The following MACROD2 variants were observed in gnomAD, a reference collection of about 807,000 sequenced individuals.
The protein encoded by MACROD2 is ADP-ribose glycohydrolase MACROD2.
A neutral mutation model predicts 70.4 loss-of-function variants in MACROD2; 36 were observed. The observed-to-expected ratio is 0.51, with a 90% CI of 0.39 to 0.68. The LOEUF (loss-of-function observed/expected upper bound fraction) is 0.68, where lower values mean the gene tolerates loss of function less well. Among genes scored for constraint, MACROD2 ranks in the 30% least tolerant of loss-of-function variants. The pLI is 0.00. For missense variants in MACROD2, 496 were observed against 538.4 expected (o/e 0.92, Z 0.78); for synonymous variants, 172 against 178.8 (o/e 0.96, Z 0.30).
intron 2 of MACROD2, among the ~76,000 whole-genome samples, chr20:14,047,998 C>T (rs927769227): frequency 1.4e-5 from 2 of 144,800 alleles, no homozygotes; most frequent in African/African-American, 2.6e-5. Context: ...ATCTGATTGG[C>T]ATTTGATTTT....
At chr20:14,322,202 T>TATATATATATATATATATATA (rs1568553958) in intron 3 of MACROD2, among the ~76,000 whole-genome samples, 9 of 53,740 alleles carry the variant, frequency 1.7e-4, no homozygotes, top group East Asian at 3.8e-4. Flanking sequence ...ATATATATAT[T>TATATATATATATATATATATA]TTGTATTTTG....
At chr20:15,689,751 G>T (rs1166969270) in intron 8 of MACROD2, among the ~76,000 whole-genome samples, 1 of 152,188 alleles carries the variant, frequency 6.6e-6, no homozygotes, top group African/African-American at 2.4e-5. Context: ...ATATCTGGGA[G>T]CAGGGGACAC....
intron 2 of MACROD2, among the ~76,000 whole-genome samples, chr20:14,021,374 T>C (rs940427940): frequency 4.6e-5 from 7 of 152,336 alleles, no homozygotes; most frequent in African/African-American, 1.7e-4. Flanking sequence ...CCCAGGGGTC[T>C]GTGAGTCTGT....
intron 5 of MACROD2, among the ~76,000 whole-genome samples, chr20:14,870,128 G>A (rs982197438): frequency 6.6e-6 from 1 of 152,092 alleles, no homozygotes; most frequent in African/African-American, 2.4e-5. Flanking sequence ...ATATGCCACA[G>A]TGTGTGTTGT....
intron 5 of MACROD2, among the ~76,000 whole-genome samples, chr20:14,705,341 C>A (rs2071256754): frequency 6.6e-6 from 1 of 151,954 alleles, no homozygotes; most frequent in South Asian, 2.1e-4. Context: ...TTTTTAATTT[C>A]ATTTTTATTA....
At chr20:14,500,710 A>C (rs903044328) in intron 4 of MACROD2, among the ~76,000 whole-genome samples, 2 of 152,172 alleles carry the variant, frequency 1.3e-5, no homozygotes, top group African/African-American at 4.8e-5. Flanking sequence ...ACTAAACTTC[A>C]AAGTTATTCA....
chr20:16,011,834 G>A (rs917785782), intron 15 of MACROD2, among the ~76,000 whole-genome samples: 15 of 152,198 alleles, frequency 9.9e-5, no homozygotes, highest in Admixed American at 3.9e-4. Flanking sequence ...AGGGTGATTC[G>A]TCTTGCACTT....
At chr20:14,320,175 C>A (rs900078399) in intron 3 of MACROD2, among the ~76,000 whole-genome samples, 1 of 152,118 alleles carries the variant, frequency 6.6e-6, no homozygotes, top group African/African-American at 2.4e-5. Flanking sequence ...AGTTGTTTTC[C>A]ATCTTTATTA....
intron 5 of MACROD2, among the ~76,000 whole-genome samples, chr20:15,089,438 G>A (rs1452769151): frequency 6.6e-6 from 1 of 152,130 alleles, no homozygotes; most frequent in African/African-American, 2.4e-5. Flanking sequence ...ATTGTACCAA[G>A]TTCTGGAAGT....
intron 8 of MACROD2, among the ~76,000 whole-genome samples, chr20:15,644,200 C>T (rs1405378120): frequency 6.6e-6 from 1 of 152,158 alleles, no homozygotes; most frequent in Admixed American, 6.5e-5. Context: ...GGCAAAGTCA[C>T]ACAGCTAATA....
chr20:16,010,906 C>T (rs1173387038), intron 15 of MACROD2, among the ~76,000 whole-genome samples: 3 of 152,342 alleles, frequency 2.0e-5, no homozygotes, highest in Admixed American at 1.3e-4. Flanking sequence ...TCTCCCCAAA[C>T]GTGGTGTTCT....
At chr20:14,497,068 G>GCA (rs2084861181) in intron 4 of MACROD2, among the ~76,000 whole-genome samples, 1 of 151,656 alleles carries the variant, frequency 6.6e-6, no homozygotes, top group Non-Finnish European at 1.5e-5. Flanking sequence ...TGCTCTCCAG[G>GCA]TTTGCTTTTC....
At chr20:14,551,482 TA>T (rs1445456881) in intron 4 of MACROD2, among the ~76,000 whole-genome samples, 2 of 152,204 alleles carry the variant, frequency 1.3e-5, no homozygotes, top group Non-Finnish European at 2.9e-5. Flanking sequence ...TCTGACATAG[TA>T]AGTTATGTTG....
At chr20:14,512,889 C>A (rs1216383106) in intron 4 of MACROD2, among the ~76,000 whole-genome samples, 1 of 152,026 alleles carries the variant, frequency 6.6e-6, no homozygotes, top group African/African-American at 2.4e-5. Context: ...AGTTGTTGTG[C>A]CATCTGTAAA....
At chr20:14,895,722 A>G (rs1203365935) in intron 5 of MACROD2, 2 of 152,110 alleles carry the variant, frequency 1.3e-5, no homozygotes, top group African/African-American at 2.4e-5. Context: ...CTTTTTGAAA[A>G]GAGAAAAGAT....
In MACROD2 at chr20:15,524,859, G is replaced by A. The variant is rs1162680692; in HGVS notation, c.645+25012G>A. ...TTCAAGGACTCAATAGTCACATGTGGCTGGTGGCTACCATATTGGACAGAG... is the reference window on the plus strand; with the variant it reads ...TTCAAGGACTCAATAGTCACATGTGACTGGTGGCTACCATATTGGACAGAG... On this transcript the variant is annotated intron_variant, in intron 8 of 17. Transcript: ENST00000684519. Among the ~76,000 whole-genome samples, 4 of 152,176 alleles carry A rather than the reference G, an allele frequency of 2.6e-5. No homozygotes were observed. In the South Asian group the frequency reaches 6.2e-4, roughly 24 times the overall value.
chr20:14,323,912 A>G (rs192655138), intron 3 of MACROD2: 1 of 152,332 alleles, frequency 6.6e-6, no homozygotes, highest in East Asian at 1.9e-4. Context: ...TTTTCCATCT[A>G]TACAGTGTAT....
rs1342623559 is a variant in MACROD2 at position 15,126,233 on chromosome 20, G to A, written c.419-103707G>A. Among the ~76,000 whole-genome samples, 3 of 150,940 alleles carry A rather than the reference G, an allele frequency of 2.0e-5. No homozygotes were observed. The East Asian group carries it at 5.8e-4, about 29-fold the overall frequency. ...TATACACCTAGGAATAGAATTGCTG[G>A]GTCACATAGTAATTTTATGTTTAAT... is the stretch of plus-strand genomic sequence containing the variant. On this transcript the variant is annotated intron_variant, in intron 5 of 17. Coordinates refer to ENST00000684519, the MANE Select transcript of MACROD2 (RefSeq NM_001351661.2).
chr20:14,396,151 T>C (rs531129422), intron 3 of MACROD2, among the ~76,000 whole-genome samples: 2 of 152,232 alleles, frequency 1.3e-5, no homozygotes, highest in East Asian at 3.8e-4. Flanking sequence ...GTCCATGGTG[T>C]TGTTTGTCTT....
Sources: gnomAD v4.1 joint callset for allele counts (sites outside exome capture counted in the v4.1 genomes callset) on GRCh38, gnomAD v4.1.1 for gene constraint, MANE v1.5 for transcripts, NCBI Gene and HGNC (gene_info 2026-07-23, HGNC 2026-07-21) for gene names.